KANK1: variants seen among roughly 807,000 people sequenced by gnomAD.
KANK1 encodes KN motif and ankyrin repeat domains 1, also known as KN motif and ankyrin repeat domain-containing protein 1.
Under a neutral mutation model 106.2 loss-of-function variants are expected in KANK1, and 109 were observed. That is an observed-to-expected ratio of 1.03 (90% CI 0.88 to 1.20). The LOEUF (loss-of-function observed/expected upper bound fraction) is 1.20, where lower values mean the gene tolerates loss of function less well. Ranked by LOEUF, KANK1 falls within the 50% of genes most tolerant of loss-of-function variation. KANK1 has a pLI of 0.00. For missense variants in KANK1, 2,399 were observed against 1,710.7 expected (o/e 1.40, Z -7.10); for synonymous variants, 873 against 652.2 (o/e 1.34, Z -5.16).
chr9:648,040 C>T (rs1437569012), intron 1 of KANK1, among the ~76,000 whole-genome samples: 2 of 134,340 alleles, frequency 1.5e-5, no homozygotes, highest in African/African-American at 3.1e-5. Context: ...CTTGCTCTGT[C>T]GCCAGGCTGG....
rs758168904 is a variant in KANK1, at chr9:490,958, C to CTTTT, written c.-362+17701_-362+17704dup. 5.4e-4 allele frequency among the ~76,000 whole-genome samples: 63 copies of CTTTT among 116,328 alleles called. 1 individual carries two copies. The highest frequency in any genetic ancestry group is 1.3e-3 in the African/African-American group (40 of 29,824). The allele number at this position is 116,328 out of a possible 152,430, so 76.3% of individuals were successfully genotyped here. On this transcript the variant is annotated intron_variant, in intron 3 of 15. Coordinates refer to the KANK1 transcript ENST00000382303. ...GAGACTATGTGAAGGGCTAAAGTGG[C>CTTTT]TTTTTTTTTTTTTTTTTTTGAGACA...
At chr9:501,913 A>G (rs1326776145), upstream of KANK1, among the ~76,000 whole-genome samples, 2 of 152,312 alleles carry the variant, frequency 1.3e-5, no homozygotes, top group Non-Finnish European at 1.5e-5. Flanking sequence ...TTCGCATGTT[A>G]TATTTCAAGA....
chr9:565,282 C>T (rs962743038), intron 1 of KANK1, among the ~76,000 whole-genome samples: 13 of 152,308 alleles, frequency 8.5e-5, no homozygotes, highest in African/African-American at 2.9e-4. Flanking sequence ...ATCTTTAAGA[C>T]TTAAGCCATA....
At chr9:689,784 G>C (rs1190904363) in intron 2 of KANK1, among the ~76,000 whole-genome samples, 1 of 152,088 alleles carries the variant, frequency 6.6e-6, no homozygotes, top group African/African-American at 2.4e-5. Flanking sequence ...TCAGGGGTTT[G>C]GGGAAGTCCA....
intron 1 of KANK1, among the ~76,000 whole-genome samples, chr9:619,413 A>G (rs1349557812): frequency 2.6e-5 from 4 of 152,190 alleles, no homozygotes; most frequent in South Asian, 2.1e-4. Flanking sequence ...TGGGATGGGT[A>G]GAGTATAATT....
At chr9:643,839 A>G (rs1303885019) in intron 1 of KANK1, among the ~76,000 whole-genome samples, 5 of 150,146 alleles carry the variant, frequency 3.3e-5, no homozygotes, top group Admixed American at 1.3e-4. Context: ...AGTAGCTGGG[A>G]TTACAGGTGC....
chr9:715,794 G>A (rs933189461), intron 3 of KANK1, among the ~76,000 whole-genome samples: 4 of 152,116 alleles, frequency 2.6e-5, no homozygotes, highest in Admixed American at 6.5e-5. Flanking sequence ...TTTGTTTAAC[G>A]TTCTAATGAG....
rs1242476482 is a variant in KANK1 at position 745,569 on chromosome 9, A to G, written c.*334A>G. ...AAAGTGGTGTCTGGTTCTCACTGAG[A>G]CGTTTTAAGATTTTTCCACAAATAT... On this transcript the variant is annotated 3_prime_UTR_variant, in exon 12 of 12. Coordinates refer to ENST00000382297, the MANE Select transcript of KANK1 (RefSeq NM_015158.5). 5.5e-6 allele frequency: 1 copy of G among 181,660 alleles called. No individual in the cohort carries two copies. Among genetic ancestry groups the G allele is most frequent in the African/African-American group, 2.3e-5 (1 of 42,610 alleles). 11.3% of individuals were successfully genotyped at this position (181,660 alleles called of 1,614,324 possible). A position where few individuals can be genotyped will look rare whatever the true frequency, so the allele number is the denominator to read the frequency against.
chr9:705,883 G>T (rs1345618014), intron 2 of KANK1, among the ~76,000 whole-genome samples: 3 of 152,036 alleles, frequency 2.0e-5, no homozygotes, highest in Non-Finnish European at 4.4e-5. Flanking sequence ...TTACAGGCAT[G>T]AGCCAGCGTG....
intron 2 of KANK1, 75 bp downstream of exon 2, chr9:677,084 T>C: frequency 7.4e-7 from 1 of 1,342,808 alleles, no homozygotes; most frequent in East Asian, 2.3e-5. Flanking sequence ...TCTTTAATAA[T>C]GAACGGATAA....
At chr9:590,636 G>A (rs1394462928) in intron 1 of KANK1, among the ~76,000 whole-genome samples, 4 of 121,894 alleles carry the variant, frequency 3.3e-5, no homozygotes, top group Non-Finnish European at 8.3e-5. Context: ...ATATTCTTCC[G>A]GAGATTTTTT....
At chr9:478,571 A>G (rs778528529) in intron 3 of KANK1, 2 of 152,274 alleles carry the variant, frequency 1.3e-5, no homozygotes, top group Non-Finnish European at 2.9e-5. Context: ...GGACCAGTGT[A>G]TACAAATCTA....
intron 2 of KANK1, among the ~76,000 whole-genome samples, chr9:702,164 A>G (rs73374813): frequency 0.017 from 2,547 of 152,224 alleles, 64 homozygotes; most frequent in African/African-American, 0.057. Context: ...AGAGTGTGCA[A>G]ACTTAGTTGG....
Position 731,110 on chromosome 9 carries a change from C to T in KANK1, c.2897-48C>T, listed in dbSNP as rs373341876. The T allele has an allele frequency of 1.6e-5, 16 of 981,408 alleles. No homozygotes were observed. In the African/African-American group the frequency reaches 2.6e-4, roughly 16 times the overall value. The allele number at this position is 981,408 out of a possible 1,614,324, so 60.8% of individuals were successfully genotyped here. ...CTGTACAGGAAAAAAGATCATTTAA[C>T]ATGTATGGGTGTGAGTTTTCATTTT... On this transcript the variant is annotated intron_variant, in intron 4 of 11. Coordinates refer to ENST00000382297, the MANE Select transcript of KANK1 (RefSeq NM_015158.5).
At chr9:573,245 A>G (rs1246969416) in intron 1 of KANK1, among the ~76,000 whole-genome samples, 1 of 152,096 alleles carries the variant, frequency 6.6e-6, no homozygotes, top group East Asian at 1.9e-4. Context: ...AACTTATCTA[A>G]TAAATAAAAA....
Position 731,214 on chromosome 9 carries a change from A to G in KANK1, c.2953A>G (p.Lys985Glu), listed in dbSNP as rs1340719550. The change falls in exon 5 of 12, where the codon AAA becomes GAA. Residue 985 changes from lysine (K) to glutamate (E), a missense_variant. Physicochemically the swap from Lys to Glu is moderately conservative, Grantham distance 56. Coordinates refer to ENST00000382297, the MANE Select transcript of KANK1 (RefSeq NM_015158.5). ...KSIMKKKDGNKDSNGAKKNLQ... is the reference protein window; with the variant it reads ...KSIMKKKDGNEDSNGAKKNLQ... Reference sequence around the variant, plus strand: ...CATCATGAAGAAGAAAGATGGTAACAAAGATTCAAATGGCGCAAAAAAGAA... The same window carrying G: ...CATCATGAAGAAGAAAGATGGTAACGAAGATTCAAATGGCGCAAAAAAGAA... The G allele has an allele frequency of 1.2e-6, 2 of 1,612,528 alleles. No homozygotes were observed. The highest frequency in any genetic ancestry group is 8.5e-7 in the Non-Finnish European group (1 of 1,178,686).
intron 1 of KANK1, among the ~76,000 whole-genome samples, chr9:662,497 G>C (rs1350496290): frequency 6.6e-6 from 1 of 151,696 alleles, no homozygotes; most frequent in East Asian, 1.9e-4. Flanking sequence ...TAATGGAATG[G>C]AACAGAGGCC....
rs115989634 is a variant in KANK1 at position 619,223 on chromosome 9, C to T, written c.-83-57667C>T. 5.2e-3 allele frequency among the ~76,000 whole-genome samples: 791 copies of T among 152,224 alleles called. 5 individuals are homozygous for T. Among genetic ancestry groups the T allele is most frequent in the African/African-American group, 0.018 (749 of 41,526 alleles). On this transcript the variant is annotated intron_variant, in intron 1 of 11. Coordinates refer to ENST00000382297, the MANE Select transcript of KANK1 (RefSeq NM_015158.5). ...ACAGTGCTTTTGAATTTCAGAGAGG[C>T]CTCTTATTTGTGCCTCAAGAATAGT...
At chr9:538,725 T>C (rs1008399370) in intron 1 of KANK1, among the ~76,000 whole-genome samples, 1 of 152,306 alleles carries the variant, frequency 6.6e-6, no homozygotes, top group East Asian at 1.9e-4. Flanking sequence ...TCTGATTGGA[T>C]CAGAGCCTCC....
Sources: allele counts gnomAD v4.1 joint callset (sites outside exome capture counted in the v4.1 genomes callset), GRCh38; gene constraint gnomAD v4.1.1; transcripts MANE v1.5; gene names NCBI Gene and HGNC (gene_info 2026-07-23, HGNC 2026-07-21).